The following SLC4A10 variants were observed in gnomAD, a reference collection of about 807,000 sequenced individuals.
SLC4A10 encodes sodium-driven chloride bicarbonate exchanger.
Under a neutral mutation model 137.7 loss-of-function variants are expected in SLC4A10, and 42 were observed. The observed-to-expected ratio is 0.30, with a 90% CI of 0.24 to 0.39. The LOEUF (loss-of-function observed/expected upper bound fraction) is 0.39. Among genes scored for constraint, SLC4A10 ranks in the 10% least tolerant of loss-of-function variants. The pLI is 1.00. For missense variants in SLC4A10, 925 were observed against 1,355.0 expected (o/e 0.68, Z 4.98); for synonymous variants, 474 against 464.1 (o/e 1.02, Z -0.27).
intron 1 of SLC4A10, among the ~76,000 whole-genome samples, chr2:161,690,888 A>C (rs1349426698): frequency 6.6e-6 from 1 of 152,086 alleles, no homozygotes; most frequent in Non-Finnish European, 1.5e-5. Flanking sequence ...CCACCTTGGC[A>C]CCCATTTACC....
chr2:161,945,253 A>C (rs1693581394), intron 16 of SLC4A10, among the ~76,000 whole-genome samples: 1 of 139,226 alleles, frequency 7.2e-6, no homozygotes, highest in Non-Finnish European at 1.5e-5. Flanking sequence ...TATCTCAAAA[A>C]TCAGCCTTTA....
chr2:161,745,159 C>T (rs1368910895), intron 1 of SLC4A10, among the ~76,000 whole-genome samples: 3 of 152,186 alleles, frequency 2.0e-5, no homozygotes, highest in African/African-American at 7.2e-5. Flanking sequence ...GCCAATCTCT[C>T]TCGCTACCTT....
At position 161,963,141 on chromosome 2, in the gene SLC4A10, C is replaced by T. The variant is rs543135476; in HGVS notation, c.2863-994C>T. On this transcript the variant is annotated intron_variant, in intron 21 of 26. Transcript: ENST00000446997. ...ATCTATATAAAATAAAACTATCATG[C>T]AGTATGATTTGTTAGTAAATAAAAT... 3.3e-3 allele frequency among the ~76,000 whole-genome samples: 500 copies of T among 151,938 alleles called. 4 individuals are homozygous for T. Among genetic ancestry groups the T allele is most frequent in the African/African-American group, 0.011 (475 of 41,444 alleles).
Position 161,932,825 on chromosome 2 carries a change from T to TACTTTC in SLC4A10, c.1998-9967_1998-9966insACTTTC. 3.3e-5 allele frequency among the ~76,000 whole-genome samples: 5 copies of TACTTTC among 152,274 alleles called. No homozygotes were observed. In the South Asian group the frequency reaches 8.4e-4, roughly 25 times the overall value. On this transcript the variant is annotated intron_variant, in intron 15 of 26. Coordinates refer to ENST00000446997, the MANE Select transcript of SLC4A10 (RefSeq NM_001178015.2). ...AAGTACTTTTCTTTAATGCCATTTCTTGAGAGTTGGAGCTACAGTTGCTCT... is the reference window on the plus strand; with the variant it reads ...AAGTACTTTTCTTTAATGCCATTTCTACTTTCTGAGAGTTGGAGCTACAGTTGCTCT...
intron 3 of SLC4A10, among the ~76,000 whole-genome samples, chr2:161,824,608 G>A (rs764251627): frequency 5.3e-5 from 8 of 152,132 alleles, no homozygotes; most frequent in Non-Finnish European, 8.8e-5. Context: ...CTAAACCAGC[G>A]CCAGAAGATA....
chr2:161,931,136 G>A (rs1016952608), intron 15 of SLC4A10: 2 of 152,098 alleles, frequency 1.3e-5, no homozygotes, highest in South Asian at 2.1e-4. Flanking sequence ...TCACCATATT[G>A]GCCAGGCTAG....
chr2:161,821,174 G>A (rs893088362), intron 3 of SLC4A10, among the ~76,000 whole-genome samples: 24 of 152,212 alleles, frequency 1.6e-4, no homozygotes, highest in African/African-American at 5.3e-4. Flanking sequence ...TCCTTTGTTA[G>A]TTTTATGTGT....
Position 161,947,577 on chromosome 2 carries a change from A to G in SLC4A10, c.2115A>G (p.Ser705=). The change falls in exon 17 of 27, where the codon TCA becomes TCG. Residue 705 remains serine (S), a synonymous_variant. Coordinates refer to ENST00000446997, the MANE Select transcript of SLC4A10 (RefSeq NM_001178015.2). ...WENLTVSECK[S]LHGEYVGRAC... is the part of the protein sequence containing the mutation. ...ACTTCCTCTGGCAGGAATGCAAATC[A>G]TTGCATGGAGAGTATGTTGGACGGG... The G allele has an allele frequency of 6.2e-7, 1 of 1,608,966 alleles. No individual in the cohort carries two copies. The highest frequency in any genetic ancestry group is 8.5e-7 in the Non-Finnish European group (1 of 1,178,222).
intron 1 of SLC4A10, among the ~76,000 whole-genome samples, chr2:161,761,105 C>T (rs185973324): frequency 6.6e-6 from 1 of 152,134 alleles, no homozygotes; most frequent in Admixed American, 6.6e-5. Flanking sequence ...AGAGAGATTA[C>T]ATAAAATACA....
chr2:161,681,345 A>G (rs912261879), intron 1 of SLC4A10, among the ~76,000 whole-genome samples: 3 of 152,174 alleles, frequency 2.0e-5, no homozygotes, highest in Admixed American at 2.0e-4. Flanking sequence ...GAATTTTGAA[A>G]CCAGACAGGA....
chr2:161,867,907 T>C (rs1052369175), intron 6 of SLC4A10, among the ~76,000 whole-genome samples: 2 of 151,910 alleles, frequency 1.3e-5, no homozygotes, highest in African/African-American at 4.8e-5. Context: ...CCTCATCTCC[T>C]ACCCTTTGGG....
chr2:161,964,320 C>T lies in SLC4A10; in HGVS notation c.3036+12C>T, dbSNP rs780248521. 3 of 1,612,444 alleles carry T rather than the reference C, an allele frequency of 1.9e-6. No individual in the cohort carries two copies. The highest frequency in any genetic ancestry group is 2.7e-5 in the African/African-American group (2 of 74,860). ...TCTTTCCCATGATGGTATGAAACTTCTGTCAACTATTTTTCTCTTTCTCTG... is the reference window on the plus strand; with the variant it reads ...TCTTTCCCATGATGGTATGAAACTTTTGTCAACTATTTTTCTCTTTCTCTG... On this transcript the variant is annotated intron_variant, in intron 22 of 26. Coordinates refer to ENST00000446997, the MANE Select transcript of SLC4A10 (RefSeq NM_001178015.2).
intron 15 of SLC4A10, among the ~76,000 whole-genome samples, chr2:161,939,646 G>A (rs764188355): frequency 1.3e-4 from 20 of 151,898 alleles, no homozygotes; most frequent in African/African-American, 1.9e-4. Context: ...CCCCAACTCC[G>A]TTGTAGCGGC....
chr2:161,810,277 G>C (rs1436823127), intron 3 of SLC4A10, among the ~76,000 whole-genome samples: 1 of 151,794 alleles, frequency 6.6e-6, no homozygotes, highest in African/African-American at 2.4e-5. Context: ...GAGTCTTTAG[G>C]GTTTTCTATT....
Position 161,672,246 on chromosome 2 carries a change from T to C in SLC4A10, c.48+47680T>C, listed in dbSNP as rs537646743. Reference sequence around the variant, plus strand: ...GAGATGAAATAAGATTTGAGTAATTTGAAAAGGAAACTTTAATATTATAAT... The same window carrying C: ...GAGATGAAATAAGATTTGAGTAATTCGAAAAGGAAACTTTAATATTATAAT... On this transcript the variant is annotated intron_variant, in intron 1 of 26. Transcript: ENST00000446997. Among the ~76,000 whole-genome samples the C allele has an allele frequency of 7.9e-5, 12 of 152,282 alleles. No individual in the cohort carries two copies. In the South Asian group the frequency reaches 2.5e-3, roughly 32 times the overall value.
intron 1 of SLC4A10, among the ~76,000 whole-genome samples, chr2:161,757,463 T>A (rs576299436): frequency 7.9e-5 from 12 of 152,284 alleles, no homozygotes; most frequent in African/African-American, 2.9e-4. Context: ...TCACTAACAC[T>A]AATATAGAAC....
rs145715673 is a variant in SLC4A10 at position 161,917,685 on chromosome 2, G to A, written c.1997+11798G>A. Reference sequence around the variant, plus strand: ...TATGAAATCATATTCCAATTATTCTGCATCCTCACTGTCACAAACTATTGT... The same window carrying A: ...TATGAAATCATATTCCAATTATTCTACATCCTCACTGTCACAAACTATTGT... On this transcript the variant is annotated intron_variant, in intron 15 of 26. Coordinates refer to ENST00000446997, the MANE Select transcript of SLC4A10 (RefSeq NM_001178015.2). Among the ~76,000 whole-genome samples the A allele has an allele frequency of 1.7e-3, 252 of 151,840 alleles. 2 individuals are homozygous for A. Among genetic ancestry groups the A allele is most frequent in the African/African-American group, 5.9e-3 (245 of 41,392 alleles).
intron 23 of SLC4A10, among the ~76,000 whole-genome samples, chr2:161,968,419 T>C (rs1182788638): frequency 6.6e-6 from 1 of 152,192 alleles, no homozygotes; most frequent in African/African-American, 2.4e-5. Flanking sequence ...AAGATAAAGA[T>C]TTTAAAAGTA....
chr2:161,671,933 G>A (rs1450801061), intron 1 of SLC4A10, among the ~76,000 whole-genome samples: 2 of 152,160 alleles, frequency 1.3e-5, no homozygotes, highest in Admixed American at 1.3e-4. Context: ...ATGTGTTTTG[G>A]TGATGAGAGG....
Sources: allele counts gnomAD v4.1 joint callset (sites outside exome capture counted in the v4.1 genomes callset), GRCh38; gene constraint gnomAD v4.1.1; transcripts MANE v1.5; gene names NCBI Gene and HGNC (gene_info 2026-07-23, HGNC 2026-07-21).